TRAPPC12: variants seen among roughly 807,000 people sequenced by gnomAD.
TRAPPC12 encodes TPR repeat protein 15.
TRAPPC12 carries 61 observed loss-of-function variants against 69.2 expected under a neutral mutation model. That is an observed-to-expected ratio of 0.88 (90% CI 0.72 to 1.09). The LOEUF is 1.09. Ranked by LOEUF, TRAPPC12 falls within the 50% of genes least tolerant of loss-of-function variation. The pLI is 0.00. For synonymous variants in TRAPPC12, 469 were observed against 438.9 expected, an observed-to-expected ratio of 1.07 and a Z score of -0.86; for missense variants, 1,101 against 1,016.4, an observed-to-expected ratio of 1.08 and a Z score of -1.13.
intron 7 of TRAPPC12, chr2:3,459,923 G>A (rs1025529251): frequency 2.6e-5 from 10 of 383,594 alleles, no homozygotes; most frequent in African/African-American, 6.4e-5. Flanking sequence ...CAATGTCGTC[G>A]TTTCTGTCAG....
chr2:3,460,577 G>T, intron 8 of TRAPPC12: 2 of 452,786 alleles, frequency 4.4e-6, no homozygotes, highest in Non-Finnish European at 7.8e-6. Flanking sequence ...ATTGAAATGT[G>T]GGTCTAAATG....
intron 5 of TRAPPC12, among the ~76,000 whole-genome samples, chr2:3,431,179 C>G (rs1186565422): frequency 6.6e-6 from 1 of 152,250 alleles, no homozygotes; most frequent in Admixed American, 6.5e-5. Context: ...CCTAGGCCAC[C>G]TGCTGCCCTC....
At chr2:3,425,978 A>G (rs1663078837) in intron 5 of TRAPPC12, among the ~76,000 whole-genome samples, 1 of 152,200 alleles carries the variant, frequency 6.6e-6, no homozygotes, top group Admixed American at 6.5e-5. Flanking sequence ...GGAGGGGCAT[A>G]GGAACGAATG....
chr2:3,465,646 C>G lies in TRAPPC12; in HGVS notation c.1727C>G (p.Pro576Arg), dbSNP rs1665773555. The stretch of plus-strand genomic sequence containing the variant: ...TATCATTCGGTTATCAAGTATTACC[C>G]AGAGCAAGAGCCCCAGCTGCTCAGC... ...EAYHSVIKYY[P>R]EQEPQLLSGI... The change falls in exon 9 of 12, where the codon CCA becomes CGA. Residue 576 changes from proline (P) to arginine (R), a missense_variant. Physicochemically the swap from Pro to Arg is moderately radical, Grantham distance 103 (BLOSUM62 -2). Coordinates refer to ENST00000324266, the MANE Select transcript of TRAPPC12 (RefSeq NM_016030.6). 1 of 1,614,202 alleles carries G rather than the reference C, an allele frequency of 6.2e-7. No homozygotes were observed. Among genetic ancestry groups the G allele is most frequent in the Non-Finnish European group, 8.5e-7 (1 of 1,180,026 alleles).
intron 2 of TRAPPC12, among the ~76,000 whole-genome samples, chr2:3,391,001 C>G (rs1180403116): frequency 6.6e-6 from 1 of 152,088 alleles, no homozygotes; most frequent in African/African-American, 2.4e-5. Context: ...TGAGGTTCAT[C>G]TCATACTGTT....
chr2:3,465,581 G>A lies in TRAPPC12; in HGVS notation c.1678-16G>A, dbSNP rs747082109. ...TGTTCTCAGCTCTAAAGTACGTTGG[G>A]TTTTTCTTCCCACAGGATTATGTGC... On this transcript the variant is annotated splice_polypyrimidine_tract_variant and intron_variant, in intron 8 of 11. Transcript: ENST00000324266. 4 of 1,602,176 alleles carry A rather than the reference G, an allele frequency of 2.5e-6. No homozygotes were observed. Among genetic ancestry groups the A allele is most frequent in the Non-Finnish European group, 3.4e-6 (4 of 1,169,264 alleles).
chr2:3,413,838 G>A (rs1291898125), intron 3 of TRAPPC12, among the ~76,000 whole-genome samples: 1 of 152,166 alleles, frequency 6.6e-6, no homozygotes, highest in Admixed American at 6.5e-5. Context: ...GTCAGTATGC[G>A]TAATCATCTC....
At chr2:3,459,920 G>A (rs570089174) in intron 7 of TRAPPC12, 37 of 374,916 alleles carry the variant, frequency 9.9e-5, no homozygotes, top group Non-Finnish European at 1.6e-4. Context: ...AGGCAATGTC[G>A]TCGTTTCTGT....
intron 3 of TRAPPC12, among the ~76,000 whole-genome samples, chr2:3,411,443 A>G (rs1662053180): frequency 1.3e-5 from 2 of 152,228 alleles, no homozygotes; most frequent in South Asian, 2.1e-4. Flanking sequence ...AAGTTCCTGT[A>G]TCTAAAAGAG....
chr2:3,421,032 C>CT (rs1337232304), intron 3 of TRAPPC12, among the ~76,000 whole-genome samples: 2 of 152,230 alleles, frequency 1.3e-5, no homozygotes, highest in African/African-American at 4.8e-5. Flanking sequence ...CTTGCAGTCT[C>CT]TGTCAGGCAG....
At chr2:3,394,927 C>T (rs2103450311) in intron 2 of TRAPPC12, among the ~76,000 whole-genome samples, 1 of 152,308 alleles carries the variant, frequency 6.6e-6, no homozygotes, top group South Asian at 2.1e-4. Flanking sequence ...CTGTCTCTCA[C>T]ACACACACTC....
At chr2:3,408,615 A>G (rs1029815785) in intron 3 of TRAPPC12, among the ~76,000 whole-genome samples, 1 of 152,146 alleles carries the variant, frequency 6.6e-6, no homozygotes, top group African/African-American at 2.4e-5. Context: ...GTGACACAGT[A>G]AAACCTTGTC....
chr2:3,391,826 C>T (rs767930929), intron 2 of TRAPPC12, among the ~76,000 whole-genome samples: 3 of 152,098 alleles, frequency 2.0e-5, no homozygotes, highest in Non-Finnish European at 1.5e-5. Flanking sequence ...CTCCATGTTT[C>T]TTCCCTTCTC....
chr2:3,423,207 C>A (rs545968779), intron 4 of TRAPPC12, among the ~76,000 whole-genome samples: 1 of 152,182 alleles, frequency 6.6e-6, no homozygotes, highest in African/African-American at 2.4e-5. Context: ...CCATTGGCTA[C>A]CATGTGAAAT....
intron 3 of TRAPPC12, among the ~76,000 whole-genome samples, chr2:3,406,439 A>G (rs1572108111): frequency 6.6e-6 from 1 of 152,232 alleles, no homozygotes; most frequent in African/African-American, 2.4e-5. Context: ...ACCTTCACAC[A>G]TCACACCAAG....
chr2:3,413,398 C>T (rs1407168977), intron 3 of TRAPPC12, among the ~76,000 whole-genome samples: 1 of 152,218 alleles, frequency 6.6e-6, no homozygotes, highest in African/African-American at 2.4e-5. Flanking sequence ...TTAGATAAAA[C>T]ATGAATAGAG....
intron 8 of TRAPPC12, among the ~76,000 whole-genome samples, chr2:3,464,910 G>A (rs1043168074): frequency 3.3e-5 from 5 of 152,254 alleles, no homozygotes; most frequent in Admixed American, 2.6e-4. Flanking sequence ...CCACAGGCAG[G>A]GCAGAGCGAT....
At chr2:3,434,835 G>A (rs1572153990) in intron 5 of TRAPPC12, among the ~76,000 whole-genome samples, 1 of 152,228 alleles carries the variant, frequency 6.6e-6, no homozygotes, top group Non-Finnish European at 1.5e-5. Context: ...GGCAGCGTGA[G>A]GGAATAGTGC....
intron 6 of TRAPPC12, chr2:3,456,467 C>T (rs572176001): frequency 7.2e-5 from 11 of 152,344 alleles, no homozygotes; most frequent in South Asian, 4.1e-4. Context: ...AACCGGGAAG[C>T]GACACGTTGC....
Sources: gnomAD v4.1 joint callset for allele counts (sites outside exome capture counted in the v4.1 genomes callset) on GRCh38, gnomAD v4.1.1 for gene constraint, MANE v1.5 for transcripts, NCBI Gene and HGNC (gene_info 2026-07-23, HGNC 2026-07-21) for gene names.